Variants in RERE observed in about 807,000 individuals in gnomAD.
The protein encoded by RERE is arginine-glutamic acid dipeptide repeats.
In RERE, 40 loss-of-function variants were observed where a neutral mutation model predicts 146.1. That is an observed-to-expected ratio of 0.27 (90% confidence interval 0.21 to 0.36). The LOEUF (loss-of-function observed/expected upper bound fraction) is 0.36, where lower values mean the gene tolerates loss of function less well. Ranked by LOEUF, RERE falls within the 10% of genes least tolerant of loss-of-function variation. RERE has a pLI of 1.00. For synonymous variants in RERE, 1,003 were observed against 866.0 expected (o/e 1.16, Z -2.78); for missense variants, 1,933 against 2,138.7 (o/e 0.90, Z 1.90).
At chr1:8,365,655 G>A (rs1438042108) in intron 13 of RERE, among the ~76,000 whole-genome samples, 157 bp downstream of exon 13, 7 of 152,074 alleles carry the variant, frequency 4.6e-5, no homozygotes, top group Admixed American at 3.3e-4. Context: ...CCCCACCATC[G>A]GTCTATGTTT....
intron 4 of RERE, among the ~76,000 whole-genome samples, chr1:8,599,092 A>G (rs975475515): frequency 2.0e-5 from 3 of 152,148 alleles, no homozygotes; most frequent in African/African-American, 4.8e-5. Flanking sequence ...GGCAGGGGTC[A>G]CCCTCAGAGG....
At chr1:8,497,291 G>T in intron 9 of RERE, 114 bp downstream of exon 9, 3 of 1,150,192 alleles carry the variant, frequency 2.6e-6, no homozygotes, top group Non-Finnish European at 3.7e-6. Flanking sequence ...CAAACTTAAA[G>T]TCAGAGAACG....
intron 1 of RERE, among the ~76,000 whole-genome samples, chr1:8,809,218 C>T (rs916514848): frequency 6.8e-6 from 1 of 147,530 alleles, no homozygotes; most frequent in Non-Finnish European, 1.5e-5. Flanking sequence ...TTAACATAAA[C>T]TCAGCACATT....
intron 11 of RERE, among the ~76,000 whole-genome samples, chr1:8,460,150 A>G (rs187345442): frequency 6.6e-6 from 1 of 152,304 alleles, no homozygotes; most frequent in Admixed American, 6.5e-5. Flanking sequence ...TGCCATGCAA[A>G]CAGTAAATAA....
intron 12 of RERE, among the ~76,000 whole-genome samples, chr1:8,417,076 AG>A (rs1233943158): frequency 1.3e-5 from 2 of 152,260 alleles, no homozygotes; most frequent in Non-Finnish European, 2.9e-5. Context: ...CAACCGACTA[AG>A]GAAGTCCATA....
In RERE at chr1:8,423,116, C is replaced by A; in HGVS notation, c.1204-309G>T. On this transcript the variant is annotated intron_variant, in intron 11 of 22. Transcript: ENST00000400908. The surrounding 1 kb of genome is among the most constrained non-coding windows in gnomAD (Gnocchi z 5.4). ...TCCACCAGGCACACATTCTGGTGCACGAAGGTATAAATATGCTCCATGTTT... is the reference window on the plus strand; with the variant it reads ...TCCACCAGGCACACATTCTGGTGCAAGAAGGTATAAATATGCTCCATGTTT... 1.4e-5 allele frequency: 5 copies of A among 345,656 alleles called. No individual in the cohort carries two copies. The highest frequency in any genetic ancestry group is 1.4e-4 in the South Asian group (4 of 28,806). The allele number at this position is 345,656 out of a possible 1,614,324, so 21.4% of individuals were successfully genotyped here.
At chr1:8,510,548 A>G (rs905353019) in intron 7 of RERE, among the ~76,000 whole-genome samples, 1 of 152,252 alleles carries the variant, frequency 6.6e-6, no homozygotes, top group Non-Finnish European at 1.5e-5. Context: ...GGAGGTATGT[A>G]AAGGAATCAA....
At chr1:8,355,834 A>C (rs1345779456) in intron 21 of RERE, among the ~76,000 whole-genome samples, 2 of 152,018 alleles carry the variant, frequency 1.3e-5, no homozygotes, top group Admixed American at 1.3e-4. Flanking sequence ...GCCTCAGCCC[A>C]AGTGCTTCTC....
At chr1:8,420,230 G>A (rs542432502) in intron 12 of RERE, among the ~76,000 whole-genome samples, 1 of 152,238 alleles carries the variant, frequency 6.6e-6, no homozygotes, top group African/African-American at 2.4e-5. Context: ...ATTCAGGGGA[G>A]GATCACTTGA....
intron 11 of RERE, among the ~76,000 whole-genome samples, chr1:8,442,391 A>G (rs1447973255): frequency 6.6e-6 from 1 of 151,854 alleles, no homozygotes; most frequent in Non-Finnish European, 1.5e-5. Flanking sequence ...CATCTTAAAA[A>G]AAAAAAAAAA....
intron 6 of RERE, among the ~76,000 whole-genome samples, chr1:8,551,260 T>C (rs1475127777): frequency 6.6e-6 from 1 of 152,182 alleles, no homozygotes; most frequent in African/African-American, 2.4e-5. Flanking sequence ...CTGATGCGAG[T>C]ACACAATAAA....
chr1:8,683,031 CAAAAAAAA>C (rs71580039), intron 1 of RERE, among the ~76,000 whole-genome samples: 7 of 65,730 alleles, frequency 1.1e-4, no homozygotes, highest in Non-Finnish European at 1.6e-4. Context: ...CTGTCTTTAC[CAAAAAAAA>C]AAAAAAAAAA....
chr1:8,764,576 G>C (rs1325228140), intron 1 of RERE, among the ~76,000 whole-genome samples: 1 of 152,108 alleles, frequency 6.6e-6, no homozygotes, highest in Non-Finnish European at 1.5e-5. Context: ...AAACAGCCGG[G>C]GTTCAAGGAA....
rs560077772 is a variant in RERE, at chr1:8,556,688, A to T, written c.629-117T>A. Reference sequence around the variant, plus strand: ...CACTAAATAACCGGGCCTGGTTAGCATCGTTAAGTATGCAAAATAGAGAAG... The same window carrying T: ...CACTAAATAACCGGGCCTGGTTAGCTTCGTTAAGTATGCAAAATAGAGAAG... On this transcript the variant is annotated intron_variant, in intron 5 of 22. Coordinates refer to ENST00000400908, the MANE Select transcript of RERE (RefSeq NM_001042681.2). 4.6e-6 allele frequency: 3 copies of T among 645,980 alleles called. No individual in the cohort carries two copies. In the East Asian group the frequency reaches 8.0e-5, roughly 17 times the overall value. The allele number at this position is 645,980 out of a possible 1,614,324, so 40.0% of individuals were successfully genotyped here. A position where few individuals can be genotyped will look rare whatever the true frequency, so the allele number is the denominator to read the frequency against.
chr1:8,733,172 AAAAAG>A (rs1640126917), intron 1 of RERE, among the ~76,000 whole-genome samples: 1 of 152,290 alleles, frequency 6.6e-6, no homozygotes, highest in East Asian at 1.9e-4. Context: ...TTATTTAAAA[AAAAAG>A]AGAGAGAGAG....
At chr1:8,521,060 G>C (rs982375837) in intron 7 of RERE, among the ~76,000 whole-genome samples, 1 of 151,564 alleles carries the variant, frequency 6.6e-6, no homozygotes, top group Non-Finnish European at 1.5e-5. Context: ...AACACAAACA[G>C]GCAATAACTA....
At chr1:8,465,808 G>A (rs755453477) in intron 11 of RERE, 117 bp downstream of exon 11, 3 of 824,164 alleles carry the variant, frequency 3.6e-6, no homozygotes, top group Non-Finnish European at 6.2e-6. Context: ...CGCTGCCACG[G>A]ACAGCCATTC....
intron 7 of RERE, among the ~76,000 whole-genome samples, chr1:8,517,372 C>T (rs1374128873): frequency 1.3e-5 from 2 of 152,126 alleles, no homozygotes; most frequent in African/African-American, 4.8e-5. Flanking sequence ...AAGAAATTAA[C>T]TCCAAGTGAC....
At chr1:8,645,828 T>A (rs1004751675) in intron 2 of RERE, among the ~76,000 whole-genome samples, 3 of 152,248 alleles carry the variant, frequency 2.0e-5, no homozygotes, top group Non-Finnish European at 2.9e-5. Flanking sequence ...TAAGTTTTTA[T>A]GTGCTAAAGA....
Sources: gnomAD v4.1 joint callset for allele counts (sites outside exome capture counted in the v4.1 genomes callset) on GRCh38, gnomAD v4.1.1 for gene constraint, Gnocchi (gnomAD v3.1) non-coding constraint, MANE v1.5 for transcripts, NCBI Gene and HGNC (gene_info 2026-07-23, HGNC 2026-07-21) for gene names.